OCM: variants seen among roughly 807,000 people sequenced by gnomAD.
OCM encodes the protein oncomodulin-1.
In OCM, 18 loss-of-function variants were observed where a neutral mutation model predicts 14.1. That is an observed-to-expected ratio of 1.28 (90% CI 0.88 to 1.89). The LOEUF is 1.89. OCM is among the 40% of genes most tolerant of loss of function. The pLI, the probability that OCM is intolerant of heterozygous loss-of-function variation, is 0.00. For missense variants in OCM, 140 were observed against 137.6 expected (o/e 1.02, Z -0.09); for synonymous variants, 48 against 51.0 (o/e 0.94, Z 0.25).
chr7:5,873,680 T>TG, the OCM span, among the ~76,000 whole-genome samples: 1 of 151,992 alleles, frequency 6.6e-6, no homozygotes, highest in Non-Finnish European at 1.5e-5. Context: ...CTGGCTAGGT[T>TG]GGAGGTGACC....
chr7:5,873,181 C>T, the OCM span, among the ~76,000 whole-genome samples: 1 of 152,126 alleles, frequency 6.6e-6, no homozygotes, highest in African/African-American at 2.4e-5. Context: ...TCAAGACCAG[C>T]TTGACCAACA....
chr7:5,880,646 C>G (rs1044928334), upstream of OCM, among the ~76,000 whole-genome samples: 13 of 152,064 alleles, frequency 8.5e-5, no homozygotes, highest in African/African-American at 2.9e-4. Flanking sequence ...GTAATCCCAG[C>G]TACTGGGAAG....
intron 3 of OCM, among the ~76,000 whole-genome samples, chr7:5,885,185 A>C (rs191813905): frequency 3.9e-5 from 6 of 152,014 alleles, no homozygotes; most frequent in Admixed American, 1.3e-4. Context: ...AATAAATATA[A>C]AGCAAGTCCC....
At chr7:5,878,357 CAG>C (rs1491326243), upstream of OCM, among the ~76,000 whole-genome samples, 1 of 151,968 alleles carries the variant, frequency 6.6e-6, no homozygotes, top group Non-Finnish European at 1.5e-5. Context: ...TCAGTGGATA[CAG>C]AGTTTCCGTT....
At chr7:5,865,596 T>C in the OCM span, among the ~76,000 whole-genome samples, 714 of 152,334 alleles carry the variant, frequency 4.7e-3, 8 homozygotes, top group African/African-American at 0.016. Flanking sequence ...AAAGTTATAA[T>C]TGCAAAATTA....
At chr7:5,880,715 C>A (rs1193652659), upstream of OCM, 2 of 564,100 alleles carry the variant, frequency 3.5e-6, no homozygotes, top group African/African-American at 3.8e-5. Flanking sequence ...GCCGAGATCA[C>A]GCTCTTGCAC....
chr7:5,865,171 G>A, the OCM span, among the ~76,000 whole-genome samples: 4 of 151,628 alleles, frequency 2.6e-5, no homozygotes, highest in Admixed American at 1.3e-4. Flanking sequence ...CCTGGCCAGC[G>A]TCGGGGCCGA....
At chr7:5,882,915 T>A (rs1224654888) in intron 2 of OCM, among the ~76,000 whole-genome samples, 1 of 147,022 alleles carries the variant, frequency 6.8e-6, no homozygotes, top group Non-Finnish European at 1.5e-5. Context: ...TGATCTCAGC[T>A]CCCTGCAGCC....
the OCM span, among the ~76,000 whole-genome samples, chr7:5,869,478 G>A: frequency 0.068 from 10,324 of 151,956 alleles, 613 homozygotes; most frequent in African/African-American, 0.15. Flanking sequence ...TGTGCCTGTA[G>A]TCCCCGCTAC....
At chr7:5,873,032 C>T in the OCM span, among the ~76,000 whole-genome samples, 1 of 152,010 alleles carries the variant, frequency 6.6e-6, no homozygotes, top group African/African-American at 2.4e-5. Flanking sequence ...CGCATCATTG[C>T]ACTCCAGCTT....
chr7:5,869,282 G>A, the OCM span, among the ~76,000 whole-genome samples: 2 of 151,976 alleles, frequency 1.3e-5, no homozygotes, highest in Non-Finnish European at 2.9e-5. Flanking sequence ...AAGGCCATTG[G>A]CAGCTGGAGT....
chr7:5,873,095 C>T, the OCM span, among the ~76,000 whole-genome samples: 1 of 152,008 alleles, frequency 6.6e-6, no homozygotes, highest in Admixed American at 6.6e-5. Context: ...AAAATTAAGG[C>T]CAGGCACAGT....
chr7:5,874,179 G>A, the OCM span, among the ~76,000 whole-genome samples: 5 of 121,706 alleles, frequency 4.1e-5, no homozygotes, highest in East Asian at 2.6e-4. Context: ...AGCCGAGATC[G>A]CACCACTACA....
the OCM span, among the ~76,000 whole-genome samples, chr7:5,870,807 CA>C: frequency 6.6e-6 from 1 of 152,190 alleles, no homozygotes. Context: ...CTGGGCACCC[CA>C]TGGCCCACTC....
the OCM span, among the ~76,000 whole-genome samples, chr7:5,860,755 C>T: frequency 2.6e-4 from 26 of 100,754 alleles, no homozygotes; most frequent in African/African-American, 5.1e-4. Flanking sequence ...CACATATATA[C>T]GTATATATAT....
chr7:5,860,411 T>C, the OCM span, among the ~76,000 whole-genome samples: 3 of 128,666 alleles, frequency 2.3e-5, no homozygotes, highest in Non-Finnish European at 5.1e-5. Context: ...TATATATACG[T>C]ATATATATAT....
chr7:5,880,338 T>TC (rs200666261), upstream of OCM, among the ~76,000 whole-genome samples: 1 of 152,060 alleles, frequency 6.6e-6, no homozygotes, highest in Non-Finnish European at 1.5e-5. Context: ...ATTTTTTTTT[T>TC]CCATTTTTGG....
chr7:5,874,583 C>G, the OCM span, among the ~76,000 whole-genome samples: 1 of 151,994 alleles, frequency 6.6e-6, no homozygotes, highest in Non-Finnish European at 1.5e-5. Flanking sequence ...CAGCTCACTG[C>G]AGCCTCAAAC....
the OCM span, among the ~76,000 whole-genome samples, chr7:5,867,025 T>C: frequency 5.9e-5 from 9 of 152,220 alleles, no homozygotes; most frequent in South Asian, 1.9e-3. Flanking sequence ...TCCTTTTATT[T>C]TTTATGGCCC....
Sources: allele counts gnomAD v4.1 joint callset (sites outside exome capture counted in the v4.1 genomes callset), GRCh38; gene constraint gnomAD v4.1.1; transcripts MANE v1.5; gene names NCBI Gene and HGNC (gene_info 2026-07-23, HGNC 2026-07-21).